CLDN16: variants seen among roughly 807,000 people sequenced by gnomAD.
The protein encoded by CLDN16 is claudin-16.
CLDN16 carries 13 observed loss-of-function variants against 24.6 expected under a neutral mutation model. The ratio of observed to expected loss-of-function variants is 0.53; its 90% confidence interval spans 0.34 to 0.84. The LOEUF is 0.84. Ranked by LOEUF, CLDN16 falls within the 40% of genes least tolerant of loss-of-function variation. The pLI, the probability that CLDN16 is intolerant of heterozygous loss-of-function variation, is 0.01. For missense variants in CLDN16, 298 were observed against 292.7 expected (o/e 1.02, Z -0.13); for synonymous variants, 116 against 106.7 (o/e 1.09, Z -0.54).
chr3:190,353,465 A>G (rs1577406637), intron 1 of CLDN16, among the ~76,000 whole-genome samples: 1 of 152,030 alleles, frequency 6.6e-6, no homozygotes, highest in Non-Finnish European at 1.5e-5. Context: ...TAAAGCATGT[A>G]CCCCAGGAAT....
chr3:190,360,663 C>T (rs1239782080), intron 1 of CLDN16, among the ~76,000 whole-genome samples: 2 of 151,644 alleles, frequency 1.3e-5, no homozygotes, highest in Non-Finnish European at 2.9e-5. Context: ...TTTTCCCATT[C>T]TATTCTTTGT....
rs561824612 is a variant in CLDN16 at position 190,377,526 on chromosome 3, C to T, written n.306+2923C>T. On this transcript the variant is annotated intron_variant and non_coding_transcript_variant, in intron 3 of 4. Transcript: ENST00000468220. Reference sequence around the variant, plus strand: ...AACAAAACAAAACAAAGCAAAACAACTCTGTATTTTGAGATTCTCTGTTTA... The same window carrying T: ...AACAAAACAAAACAAAGCAAAACAATTCTGTATTTTGAGATTCTCTGTTTA... Among the ~76,000 whole-genome samples the T allele has an allele frequency of 7.2e-5, 11 of 152,006 alleles. No homozygotes were observed. In the South Asian group the frequency reaches 2.3e-3, roughly 32 times the overall value.
At chr3:190,297,496 A>G in the CLDN16 span, among the ~76,000 whole-genome samples, 1 of 84,240 alleles carries the variant, frequency 1.2e-5, no homozygotes, top group Non-Finnish European at 2.1e-5. Flanking sequence ...ATATATCTAT[A>G]TTTATATCTA....
intron 1 of CLDN16, among the ~76,000 whole-genome samples, chr3:190,324,901 A>C (rs1717026838): frequency 6.6e-6 from 1 of 152,240 alleles, no homozygotes; most frequent in South Asian, 2.1e-4. Flanking sequence ...ATAAACAGTA[A>C]AGGCAGCACT....
chr3:190,332,101 T>C (rs1717192865), intron 1 of CLDN16, among the ~76,000 whole-genome samples: 1 of 152,174 alleles, frequency 6.6e-6, no homozygotes, highest in South Asian at 2.1e-4. Flanking sequence ...TGATGAACAA[T>C]CTTAATTCCC....
the CLDN16 span, among the ~76,000 whole-genome samples, chr3:190,310,502 T>C: frequency 1.3e-5 from 2 of 152,174 alleles, no homozygotes; most frequent in Non-Finnish European, 2.9e-5. Context: ...CACAAATAAT[T>C]CTTTTTTGGA....
chr3:190,408,455 G>A lies in CLDN16; in HGVS notation c.524G>A (p.Gly175Asp). Residue 175 changes from glycine to aspartate, a missense_variant, in exon 4 of 5, where the codon GGT becomes GAT. Transcript: ENST00000264734. ...SCWLGMAGSL[G>D]CFLAGAVLTC... ...TGGCTCGGAATGGCTGGGTCTCTGG[G>A]TTGCTTTTTGGCTGGAGCTGTTCTC... 1 of 1,613,954 alleles carries A rather than the reference G, an allele frequency of 6.2e-7. No individual in the cohort carries two copies. Among genetic ancestry groups the A allele is most frequent in the Non-Finnish European group, 8.5e-7 (1 of 1,179,988 alleles).
At chr3:190,388,837 G>C (rs1180462773) in intron 1 of CLDN16, among the ~76,000 whole-genome samples, 3 of 152,122 alleles carry the variant, frequency 2.0e-5, no homozygotes, top group African/African-American at 7.2e-5. Flanking sequence ...ACAGCATTAA[G>C]AATAGTGTGA....
At chr3:190,323,025 C>CACACACACACACACACACACACACAA (rs559057976) in intron 1 of CLDN16, among the ~76,000 whole-genome samples, 6 of 151,416 alleles carry the variant, frequency 4.0e-5, no homozygotes, top group African/African-American at 1.5e-4. Context: ...CACACACACA[C>CACACACACACACACACACACACACAA]ACAGACACAC....
At chr3:190,314,855 G>A in the CLDN16 span, among the ~76,000 whole-genome samples, 1 of 152,142 alleles carries the variant, frequency 6.6e-6, no homozygotes, top group Non-Finnish European at 1.5e-5. Flanking sequence ...AAGCATGTAT[G>A]GGCACACATG....
At chr3:190,344,706 A>G (rs116002281) in intron 1 of CLDN16, among the ~76,000 whole-genome samples, 4,490 of 152,154 alleles carry the variant, frequency 0.03, 109 homozygotes, top group East Asian at 0.081. Flanking sequence ...GGAAATAAAA[A>G]AAAAAACTAA....
chr3:190,299,213 C>T, the CLDN16 span, among the ~76,000 whole-genome samples: 1 of 152,066 alleles, frequency 6.6e-6, no homozygotes, highest in South Asian at 2.1e-4. Flanking sequence ...AGCATATTTT[C>T]ACATTTTAAT....
Position 190,411,292 on chromosome 3 carries a change from T to C in CLDN16, c.*1256T>C, listed in dbSNP as rs1457107753. On this transcript the variant is annotated 3_prime_UTR_variant, in exon 5 of 5. Coordinates refer to ENST00000264734, the MANE Select transcript of CLDN16 (RefSeq NM_006580.4). ...AAAATAAATAAATAAATAAATATTC[T>C]TCATAAAATGTGGGTTTTGGGGAAA... 1 of 152,038 alleles carries C rather than the reference T, an allele frequency of 6.6e-6. No homozygotes were observed. Among genetic ancestry groups the C allele is most frequent in the Non-Finnish European group, 1.5e-5 (1 of 67,972 alleles). 9.4% of individuals were successfully genotyped at this position (152,038 alleles called of 1,614,324 possible).
intron 2 of CLDN16, 140 bp from the exon 3 acceptor site, chr3:190,404,622 T>C: frequency 1.3e-6 from 1 of 793,898 alleles, no homozygotes. Context: ...GGTACTTATG[T>C]TCAAGTTCAT....
At chr3:190,317,964 G>C (rs540684279), upstream of CLDN16, among the ~76,000 whole-genome samples, 1 of 152,286 alleles carries the variant, frequency 6.6e-6, no homozygotes, top group South Asian at 2.1e-4. Context: ...TGGGTGACTA[G>C]AACAAAAATA....
At chr3:190,299,100 G>A in the CLDN16 span, among the ~76,000 whole-genome samples, 1 of 152,130 alleles carries the variant, frequency 6.6e-6, no homozygotes, top group East Asian at 1.9e-4. Context: ...ATGCATATCA[G>A]ACATCTTATA....
intron 1 of CLDN16, among the ~76,000 whole-genome samples, chr3:190,342,262 CA>C (rs1717454588): frequency 6.6e-6 from 1 of 151,760 alleles, no homozygotes; most frequent in South Asian, 2.1e-4. Context: ...GGGCAATTTA[CA>C]AAAGAAAGAG....
chr3:190,391,569 G>A (rs1171916154), intron 1 of CLDN16, among the ~76,000 whole-genome samples: 2 of 152,150 alleles, frequency 1.3e-5, no homozygotes, highest in Non-Finnish European at 2.9e-5. Context: ...GCCTTGAAAC[G>A]ATGTAAAGCA....
At chr3:190,352,153 T>A (rs562938756) in intron 1 of CLDN16, among the ~76,000 whole-genome samples, 168 of 151,482 alleles carry the variant, frequency 1.1e-3, no homozygotes, top group African/African-American at 3.8e-3. Flanking sequence ...TTTTTTTTTT[T>A]TAAAAAAAGA....
Sources: gnomAD v4.1 joint callset for allele counts (sites outside exome capture counted in the v4.1 genomes callset) on GRCh38, gnomAD v4.1.1 for gene constraint, MANE v1.5 for transcripts, NCBI Gene and HGNC (gene_info 2026-07-23, HGNC 2026-07-21) for gene names.